ARHGAP24: variants seen among roughly 807,000 people sequenced by gnomAD.
The protein encoded by ARHGAP24 is rho GTPase-activating protein 24.
A neutral mutation model predicts 76.4 loss-of-function variants in ARHGAP24; 50 were observed. The ratio of observed to expected loss-of-function variants is 0.65; its 90% CI spans 0.52 to 0.83. The LOEUF (loss-of-function observed/expected upper bound fraction) is 0.83. ARHGAP24 is among the 40% of genes least tolerant of loss of function. The pLI is 0.00. For missense variants in ARHGAP24, 930 were observed against 914.2 expected (o/e 1.02, Z -0.22); for synonymous variants, 345 against 323.3 (o/e 1.07, Z -0.72).
At chr4:85,613,525 C>T (rs1720459853) in intron 2 of ARHGAP24, among the ~76,000 whole-genome samples, 1 of 152,114 alleles carries the variant, frequency 6.6e-6, no homozygotes, top group Non-Finnish European at 1.5e-5. Context: ...GAATGAGAAA[C>T]AATTTTATTT....
intron 2 of ARHGAP24, among the ~76,000 whole-genome samples, chr4:85,612,190 G>A (rs143337412): frequency 0.024 from 3,656 of 151,934 alleles, 145 homozygotes; most frequent in African/African-American, 0.083. Flanking sequence ...AGGCCGAGGC[G>A]GGTGGATCAC....
chr4:85,711,306 C>T (rs1393122116), intron 2 of ARHGAP24, among the ~76,000 whole-genome samples: 1 of 147,780 alleles, frequency 6.8e-6, no homozygotes. Flanking sequence ...AGGCTTAGTA[C>T]CTGGGTGACA....
rs376978394 is a variant in ARHGAP24 at position 85,942,028 on chromosome 4, T to G, written c.392-38T>G. The G allele has an allele frequency of 5.6e-6, 9 of 1,596,582 alleles. No homozygotes were observed. In the African/African-American group the frequency reaches 9.5e-5, roughly 17 times the overall value. On this transcript the variant is annotated intron_variant, in intron 4 of 9. Coordinates refer to ENST00000395184, the MANE Select transcript of ARHGAP24 (RefSeq NM_001025616.3). ...ACAACAACAACAAAGTGGGAAGAGA[T>G]AAATTTCCCAAGTTTACTGTGATCC...
At chr4:85,626,300 T>TA (rs1316031623) in intron 2 of ARHGAP24, among the ~76,000 whole-genome samples, 1 of 152,210 alleles carries the variant, frequency 6.6e-6, no homozygotes, top group Non-Finnish European at 1.5e-5. Flanking sequence ...TGCTTGTCTG[T>TA]AAAGGATTTT....
At chr4:85,817,980 C>A (rs1167327713) in intron 3 of ARHGAP24, among the ~76,000 whole-genome samples, 1 of 152,154 alleles carries the variant, frequency 6.6e-6, no homozygotes, top group Non-Finnish European at 1.5e-5. Flanking sequence ...AGTCTTATTT[C>A]ATAAGCCAAG....
chr4:85,922,966 G>A (rs552057281), intron 3 of ARHGAP24, among the ~76,000 whole-genome samples: 219 of 152,312 alleles, frequency 1.4e-3, no homozygotes, highest in African/African-American at 5.0e-3. Context: ...GAGGCACTGC[G>A]GGGGTTTCCT....
chr4:85,706,152 G>A (rs1724300374), intron 2 of ARHGAP24, among the ~76,000 whole-genome samples: 1 of 152,098 alleles, frequency 6.6e-6, no homozygotes, highest in Non-Finnish European at 1.5e-5. Flanking sequence ...ATTGGTAGGG[G>A]GATGAACTGA....
chr4:85,628,583 A>G (rs1160166520), intron 2 of ARHGAP24, among the ~76,000 whole-genome samples: 1 of 152,156 alleles, frequency 6.6e-6, no homozygotes, highest in African/African-American at 2.4e-5. Flanking sequence ...TCTGCCCATT[A>G]TTGGTAGTGG....
chr4:85,948,251 A>C (rs1737403385), intron 5 of ARHGAP24, among the ~76,000 whole-genome samples: 1 of 152,194 alleles, frequency 6.6e-6, no homozygotes, highest in Non-Finnish European at 1.5e-5. Context: ...GTTCATTTTT[A>C]GTACCAAAAT....
intron 1 of ARHGAP24, among the ~76,000 whole-genome samples, chr4:85,492,486 GA>G (rs1232952663): frequency 6.6e-6 from 1 of 152,124 alleles, no homozygotes; most frequent in Non-Finnish European, 1.5e-5. Context: ...TGTGATAATG[GA>G]TTCAAAAAAG....
At chr4:85,954,177 C>T (rs1044869807) in intron 5 of ARHGAP24, among the ~76,000 whole-genome samples, 1 of 152,192 alleles carries the variant, frequency 6.6e-6, no homozygotes. Flanking sequence ...CCATCATCTG[C>T]TGCTGCAAAT....
intron 1 of ARHGAP24, among the ~76,000 whole-genome samples, chr4:85,566,045 G>T (rs985993366): frequency 1.5e-4 from 23 of 152,208 alleles, no homozygotes; most frequent in African/African-American, 5.6e-4. Context: ...GCTGAGAACT[G>T]TCTAGCTATG....
intron 3 of ARHGAP24, among the ~76,000 whole-genome samples, chr4:85,889,276 A>T (rs942114186): frequency 6.6e-6 from 1 of 152,238 alleles, no homozygotes. Flanking sequence ...AAATGTTTAC[A>T]TTGGTAATGT....
chr4:85,842,816 G>GTC (rs1730680186), intron 3 of ARHGAP24, among the ~76,000 whole-genome samples: 1 of 152,156 alleles, frequency 6.6e-6, no homozygotes, highest in African/African-American at 2.4e-5. Context: ...TTTATTGAAC[G>GTC]TCTACTCTGT....
chr4:86,001,082 CATAAGCT>C lies in ARHGAP24; in HGVS notation c.*363_*369del. 2.5e-6 allele frequency: 1 copy of C among 407,890 alleles called. No individual in the cohort carries two copies. The highest frequency in any genetic ancestry group is 4.3e-6 in the Non-Finnish European group (1 of 232,534). 25.3% of individuals were successfully genotyped at this position (407,890 alleles called of 1,614,324 possible). On this transcript the variant is annotated 3_prime_UTR_variant, in exon 10 of 10. Transcript: ENST00000395184. Reference sequence around the variant, plus strand: ...TTCAAGCTTCACCCCTTGCACTTAACATAAGCTATTTTTGGCATTGTGTTATCATCGG... The same window carrying C: ...TTCAAGCTTCACCCCTTGCACTTAACATTTTTGGCATTGTGTTATCATCGG...
intron 3 of ARHGAP24, among the ~76,000 whole-genome samples, chr4:85,772,280 A>G (rs72656300): frequency 0.074 from 11,293 of 152,220 alleles, 475 homozygotes; most frequent in Middle Eastern, 0.095. Flanking sequence ...TTTATCTCCA[A>G]TCTAATTGTC....
At chr4:85,565,820 T>C (rs577276116) in intron 1 of ARHGAP24, among the ~76,000 whole-genome samples, 1 of 152,344 alleles carries the variant, frequency 6.6e-6, no homozygotes, top group African/African-American at 2.4e-5. Context: ...GCTTATATAT[T>C]CTTTGTTGAA....
At chr4:85,903,152 A>G (rs1341625351) in intron 3 of ARHGAP24, among the ~76,000 whole-genome samples, 2 of 152,232 alleles carry the variant, frequency 1.3e-5, no homozygotes, top group African/African-American at 4.8e-5. Context: ...TTTTTCTTAA[A>G]TGAGAAATTT....
intron 3 of ARHGAP24, among the ~76,000 whole-genome samples, chr4:85,734,019 T>C (rs1220934746): frequency 1.3e-5 from 2 of 152,146 alleles, no homozygotes; most frequent in African/African-American, 4.8e-5. Flanking sequence ...GACTGACTGT[T>C]TGAGCTCCAC....
Sources: allele counts gnomAD v4.1 joint callset (sites outside exome capture counted in the v4.1 genomes callset), GRCh38; gene constraint gnomAD v4.1.1; transcripts MANE v1.5; gene names NCBI Gene and HGNC (gene_info 2026-07-23, HGNC 2026-07-21).